The following ARHGAP29 variants were observed in gnomAD, a reference collection of about 807,000 sequenced individuals.
ARHGAP29 encodes Rho GTPase activating protein 29.
In ARHGAP29, 43 loss-of-function variants were observed where a neutral mutation model predicts 122.6. The ratio of observed to expected loss-of-function variants is 0.35; its 90% confidence interval spans 0.27 to 0.45. ARHGAP29 has a LOEUF of 0.45. Ranked by LOEUF, ARHGAP29 falls within the 20% of genes least tolerant of loss-of-function variation. ARHGAP29 has a pLI of 1.00. For missense variants in ARHGAP29, 1,303 were observed against 1,477.2 expected (o/e 0.88, Z 1.93); for synonymous variants, 506 against 497.1 (o/e 1.02, Z -0.24).
At chr1:94,263,705 T>C (rs922784896) in intron 1 of ARHGAP29, among the ~76,000 whole-genome samples, 3 of 152,366 alleles carry the variant, frequency 2.0e-5, no homozygotes, top group South Asian at 4.1e-4. Flanking sequence ...TCAGTATTTT[T>C]CCTTTCAGTC....
At chr1:94,313,179 T>A in the ARHGAP29 span, among the ~76,000 whole-genome samples, 1 of 152,184 alleles carries the variant, frequency 6.6e-6, no homozygotes, top group African/African-American at 2.4e-5. Flanking sequence ...CTTCCTTTTC[T>A]CTTCCTCCTG....
intron 2 of ARHGAP29, among the ~76,000 whole-genome samples, chr1:94,227,943 T>C (rs985140245): frequency 6.6e-6 from 1 of 151,650 alleles, no homozygotes; most frequent in Non-Finnish European, 1.5e-5. Context: ...TGACACTGGA[T>C]AAAAAAACTA....
chr1:94,224,343 T>C (rs1289453079), intron 2 of ARHGAP29, among the ~76,000 whole-genome samples: 1 of 152,174 alleles, frequency 6.6e-6, no homozygotes, highest in Non-Finnish European at 1.5e-5. Context: ...TGTTTTACAA[T>C]AAAATCTTCA....
chr1:94,253,450 A>C (rs1654187972), intron 1 of ARHGAP29, among the ~76,000 whole-genome samples: 1 of 152,164 alleles, frequency 6.6e-6, no homozygotes, highest in South Asian at 2.1e-4. Flanking sequence ...TTAATGAGTA[A>C]ATATTTGAGC....
intron 11 of ARHGAP29, chr1:94,202,215 C>A (rs1000978570): frequency 9.9e-6 from 5 of 507,244 alleles, no homozygotes; most frequent in Admixed American, 3.8e-5. Flanking sequence ...TGAATTAGTA[C>A]ACATACACAC....
chr1:94,259,638 C>T lies in ARHGAP29; in HGVS notation c.-33+15374G>A, dbSNP rs747258671. 9.2e-5 allele frequency among the ~76,000 whole-genome samples: 14 copies of T among 152,082 alleles called. No individual in the cohort carries two copies. The Middle Eastern group carries it at 0.01, about 111-fold the overall frequency. ...TAAGCCGAGGAACACCAAGGATTGC[C>T]GGCAACCATCAGAAACTAGGGAGAA... On this transcript the variant is annotated intron_variant and NMD_transcript_variant, in intron 1 of 25. Coordinates refer to the ARHGAP29 transcript ENST00000552844.
At chr1:94,220,470 C>T in intron 2 of ARHGAP29, 78 bp from the exon 3 acceptor site, 1 of 1,290,844 alleles carries the variant, frequency 7.7e-7, no homozygotes, top group Non-Finnish European at 1.0e-6. Flanking sequence ...ATCTGAAGCA[C>T]ATTTCAAGTA....
At chr1:94,217,710 G>C (rs1652031842) in intron 3 of ARHGAP29, among the ~76,000 whole-genome samples, 1 of 151,952 alleles carries the variant, frequency 6.6e-6, no homozygotes, top group Non-Finnish European at 1.5e-5. Context: ...AGCTGGGAGA[G>C]TGACAGCTCA....
At chr1:94,304,983 A>C in the ARHGAP29 span, among the ~76,000 whole-genome samples, 4 of 152,222 alleles carry the variant, frequency 2.6e-5, no homozygotes, top group Non-Finnish European at 5.9e-5. Flanking sequence ...GAAGCAGGCA[A>C]AAGTGTTTAC....
At chr1:94,200,632 A>G (rs1310866509) in intron 12 of ARHGAP29, among the ~76,000 whole-genome samples, 1 of 152,206 alleles carries the variant, frequency 6.6e-6, no homozygotes, top group Non-Finnish European at 1.5e-5. Context: ...CCCAAACTGG[A>G]AACACCGCAA....
chr1:94,243,908 C>T (rs948354356), intron 1 of ARHGAP29, among the ~76,000 whole-genome samples: 1 of 32,674 alleles, frequency 3.1e-5, no homozygotes, highest in African/African-American at 7.4e-5. Context: ...AAAACTTTGC[C>T]AATAAACTTA....
the ARHGAP29 span, among the ~76,000 whole-genome samples, chr1:94,281,638 T>C: frequency 6.6e-6 from 1 of 152,200 alleles, no homozygotes; most frequent in Non-Finnish European, 1.5e-5. Flanking sequence ...TTGAATTATG[T>C]GCACATAGAC....
chr1:94,193,045 A>G (rs535872558), intron 12 of ARHGAP29: 5 of 152,306 alleles, frequency 3.3e-5, no homozygotes, highest in African/African-American at 7.2e-5. Flanking sequence ...GTTTCAAAAA[A>G]GTAGAGCAAA....
At chr1:94,311,079 C>A in the ARHGAP29 span, among the ~76,000 whole-genome samples, 1 of 152,200 alleles carries the variant, frequency 6.6e-6, no homozygotes, top group Non-Finnish European at 1.5e-5. Context: ...TGGCAACAAG[C>A]GCCTACAAGG....
chr1:94,287,497 C>A, the ARHGAP29 span, among the ~76,000 whole-genome samples: 7,662 of 150,642 alleles, frequency 0.051, 672 homozygotes, highest in African/African-American at 0.18. Context: ...ACCTCTTTTA[C>A]TATTATTATT....
At chr1:94,201,509 T>C (rs1032102090) in intron 12 of ARHGAP29, among the ~76,000 whole-genome samples, 1 of 936 alleles carries the variant, frequency 1.1e-3, no homozygotes, top group African/African-American at 1.4e-3. Flanking sequence ...TCCTTCCTTC[T>C]CTCTCTCTCT....
chr1:94,185,913 T>G (rs779455446), intron 16 of ARHGAP29, among the ~76,000 whole-genome samples: 39 of 152,324 alleles, frequency 2.6e-4, no homozygotes, highest in Non-Finnish European at 4.3e-4. Context: ...TAATTCACTA[T>G]AAAATTATAG....
At chr1:94,196,402 C>G (rs1650482354) in intron 12 of ARHGAP29, among the ~76,000 whole-genome samples, 1 of 150,464 alleles carries the variant, frequency 6.6e-6, no homozygotes, top group Non-Finnish European at 1.5e-5. Context: ...GCTGGGACTA[C>G]AGGCGCCCGC....
At chr1:94,296,363 A>C in the ARHGAP29 span, among the ~76,000 whole-genome samples, 1 of 152,202 alleles carries the variant, frequency 6.6e-6, no homozygotes, top group African/African-American at 2.4e-5. Flanking sequence ...GCACCAAAGC[A>C]CAAGAGTAGT....
Sources: allele counts gnomAD v4.1 joint callset (sites outside exome capture counted in the v4.1 genomes callset), GRCh38; gene constraint gnomAD v4.1.1; transcripts MANE v1.5; gene names NCBI Gene and HGNC (gene_info 2026-07-23, HGNC 2026-07-21).